Variants in MUC5B observed in about 807,000 individuals in gnomAD.
The protein encoded by MUC5B is mucin-5B.
In MUC5B, 116 loss-of-function variants were observed where a neutral mutation model predicts 376.9. The observed-to-expected ratio is 0.31, with a 90% confidence interval of 0.26 to 0.36. The LOEUF (loss-of-function observed/expected upper bound fraction) is 0.36. Ranked by LOEUF, MUC5B falls within the 10% of genes least tolerant of loss-of-function variation. The probability of loss-of-function intolerance (pLI) is 1.00; values close to 1 mark genes in which losing one functional copy is unlikely to be tolerated. For synonymous variants in MUC5B, 3,517 were observed against 3,390.9 expected (o/e 1.04, Z -1.29); for missense variants, 7,165 against 7,769.9 (o/e 0.92, Z 2.93).
At chr11:1,259,458 G>T (rs575281503) in intron 44 of MUC5B, 2 of 532,542 alleles carry the variant, frequency 3.8e-6, no homozygotes, top group Non-Finnish European at 6.8e-6. Context: ...CCAAAGGGAG[G>T]GTATGAAGTA....
At chr11:1,256,947 G>GC (rs1433198833) in intron 39 of MUC5B, among the ~76,000 whole-genome samples, 176 bp downstream of exon 39, 1 of 152,064 alleles carries the variant, frequency 6.6e-6, no homozygotes, top group South Asian at 2.1e-4. Context: ...ACCCTGCAGA[G>GC]CCCCCACGGT....
chr11:1,255,399 C>T lies in MUC5B; in HGVS notation c.15907C>T (p.His5303Tyr), dbSNP rs748264551. The change falls in exon 37 of 49, where the codon CAC (histidine) becomes TAC (tyrosine). Residue 5303 changes from histidine to tyrosine, a missense_variant. This residue lies in a region of MUC5B where 842 missense variants were observed against 1,016.9 expected (regional missense o/e 0.83). Coordinates refer to ENST00000529681, the MANE Select transcript of MUC5B (RefSeq NM_002458.3). Reference protein sequence around the residue: ...LMLSQVFAECHNLVPPGPFFN... With the variant: ...LMLSQVFAECYNLVPPGPFFN... Reference sequence around the variant, plus strand: ...GCCCCACAGGGTCTTTGCTGAGTGCCACAACCTTGTGCCCCCGGGCCCATT... The same window carrying T: ...GCCCCACAGGGTCTTTGCTGAGTGCTACAACCTTGTGCCCCCGGGCCCATT... 17 of 1,600,934 alleles carry T rather than the reference C, an allele frequency of 1.1e-5. No homozygotes were observed. In the Admixed American group the frequency reaches 1.7e-4, roughly 16 times the overall value.
At chr11:1,229,891 G>C in intron 10 of MUC5B, 84 bp downstream of exon 10, 2 of 1,543,560 alleles carry the variant, frequency 1.3e-6, no homozygotes, top group South Asian at 2.3e-5. Flanking sequence ...TGCCTGGGGT[G>C]GGGGTGTGGA....
At chr11:1,226,531 C>G (rs957611274) in intron 3 of MUC5B, 84 bp from the exon 4 acceptor site, 1 of 1,504,924 alleles carries the variant, frequency 6.6e-7, no homozygotes, top group African/African-American at 1.4e-5. Context: ...TTTTCCATTC[C>G]AAAAACCAGG....
intron 7 of MUC5B, 38 bp downstream of exon 7, chr11:1,227,819 G>C (rs571742054): frequency 1.5e-6 from 1 of 688,846 alleles, no homozygotes; most frequent in Non-Finnish European, 2.7e-6. Context: ...GGGCAGGGAC[G>C]GCCTCCAGGT....
At position 1,230,092 on chromosome 11, in the gene MUC5B, T is replaced by C; in HGVS notation, c.1308T>C (p.Tyr436=). The C allele has an allele frequency of 6.2e-7, 1 of 1,612,336 alleles. No individual in the cohort carries two copies. The change falls in exon 11 of 49, where the codon TAT becomes TAC. Residue 436 remains tyrosine (Y), a synonymous_variant. Coordinates refer to ENST00000529681, the MANE Select transcript of MUC5B (RefSeq NM_002458.3). The part of the protein sequence containing the change: ...SVQGGAHIST[Y]DEKLYDLHGD... ...AGGGCGGGGCCCACATCTCCACCTA[T>C]GATGAGAAACTCTACGACCTGCATG...
intron 14 of MUC5B, among the ~76,000 whole-genome samples, 153 bp from the exon 15 acceptor site, chr11:1,231,843 C>A (rs879579194): frequency 6.6e-6 from 1 of 152,212 alleles, no homozygotes; most frequent in Non-Finnish European, 1.5e-5. Context: ...GGGCGCCCCC[C>A]GCCAGGGCTT....
At chr11:1,259,092 G>A in intron 44 of MUC5B, 31 bp downstream of exon 44, 1 of 1,534,672 alleles carries the variant, frequency 6.5e-7, no homozygotes, top group Non-Finnish European at 8.8e-7. Context: ...CCCCAGGTGA[G>A]CCCCCGAGGC....
chr11:1,242,087 C>A lies in MUC5B; in HGVS notation c.5207C>A (p.Ala1736Asp). 6.2e-7 allele frequency: 1 copy of A among 1,611,670 alleles called. No homozygotes were observed. The highest frequency in any genetic ancestry group is 8.5e-7 in the Non-Finnish European group (1 of 1,179,092). The part of the protein sequence containing the change: ...RARPTGTAST[A>D]SKEPLTTSLA... Reference sequence around the variant, plus strand: ...CGCCCGACAGGCACAGCCAGCACCGCTTCCAAAGAGCCGCTGACCACGAGC... The same window carrying A: ...CGCCCGACAGGCACAGCCAGCACCGATTCCAAAGAGCCGCTGACCACGAGC... The change falls in exon 31 of 49, where the codon GCT (alanine) becomes GAT (aspartate). Residue 1736 changes from alanine (A) to aspartate (D), a missense_variant. Physicochemically the swap from Ala to Asp is moderately radical, Grantham distance 126. Transcript: ENST00000529681.
chr11:1,236,800 C>T, intron 24 of MUC5B, 125 bp from the exon 25 acceptor site: 1 of 1,275,362 alleles, frequency 7.8e-7, no homozygotes, highest in Non-Finnish European at 1.0e-6. Flanking sequence ...CAGGCACTGC[C>T]TGGGGAACCG....
At position 1,241,718 on chromosome 11, in the gene MUC5B, C is replaced by T. The variant is rs760625059; in HGVS notation, c.4838C>T (p.Thr1613Ile). 7.4e-6 allele frequency: 12 copies of T among 1,612,454 alleles called. No individual in the cohort carries two copies. The Admixed American group carries it at 1.8e-4, about 25-fold the overall frequency. ...CRGRATTPPP[T>I]TELETATTTT... ...GGACGTGCCACAACCCCGCCACCGA[C>T]CACAGAGCTGGAGACGGCCACCACC... The change falls in exon 31 of 49, where the codon ACC (threonine) becomes ATC (isoleucine). Residue 1613 changes from threonine to isoleucine, a missense_variant. This residue lies in a region of MUC5B where 897 missense variants were observed against 779.6 expected (regional missense o/e 1.15). Transcript: ENST00000529681.
Position 1,251,649 on chromosome 11 carries a change from C to T in MUC5B, c.14769C>T (p.Ser4923=), listed in dbSNP as rs775047577. The T allele has an allele frequency of 1.9e-6, 3 of 1,613,152 alleles. No homozygotes were observed. The South Asian group carries it at 3.3e-5, about 18-fold the overall frequency. ...LPTFSVSTVS[S]SVLTTLRPTG... ...CCTTCAGCGTGTCCACTGTGTCCTC[C>T]TCAGTCCTCACCACCCTGAGACCCA... The change falls in exon 31 of 49, where the codon TCC becomes TCT. Residue 4923 remains serine, a synonymous_variant. Coordinates refer to ENST00000529681, the MANE Select transcript of MUC5B (RefSeq NM_002458.3).
rs189151337 is a variant in MUC5B, at chr11:1,249,698, C to T, written c.12818C>T (p.Pro4273Leu). 202 of 1,610,350 alleles carry T rather than the reference C, an allele frequency of 1.3e-4. 5 individuals are homozygous for T. The highest frequency in any genetic ancestry group is 8.7e-4 in the East Asian group (39 of 44,764). Residue 4273 changes from proline (P) to leucine (L), a missense_variant, in exon 31 of 49, where the codon CCG becomes CTG. Physicochemically the swap from Pro to Leu is moderately conservative, Grantham distance 98 (BLOSUM62 -3). Around this residue, in one of 31 missense-constraint regions of MUC5B, gnomAD observed 431 missense variants for 390.4 expected, o/e 1.10. Coordinates refer to ENST00000529681, the MANE Select transcript of MUC5B (RefSeq NM_002458.3). ...TGSTATPSSTPGTAPPPKVLT... is the reference protein window; with the variant it reads ...TGSTATPSSTLGTAPPPKVLT... ...TCCACGGCCACCCCGTCCTCCACCC[C>T]GGGAACAGCTCCCCCTCCCAAAGTG...
Position 1,234,700 on chromosome 11 carries a change from G to T in MUC5B, c.2630+20G>T. ...CACCTGGTGGGTCGTGAGTCTCTCG[G>T]AGGCAGCAGGTGGGGAGGGCGGGGG... On this transcript the variant is annotated intron_variant, in intron 21 of 48. Transcript: ENST00000529681. The surrounding 1 kb of genome is among the most constrained non-coding windows in gnomAD (Gnocchi z 6.3). 1.4e-6 allele frequency: 2 copies of T among 1,463,870 alleles called. No individual in the cohort carries two copies. Among genetic ancestry groups the T allele is most frequent in the Non-Finnish European group, 9.1e-7 (1 of 1,101,044 alleles). 90.7% of individuals were successfully genotyped at this position (1,463,870 alleles called of 1,614,324 possible). A position where few individuals can be genotyped will look rare whatever the true frequency, so the allele number is the denominator to read the frequency against.
chr11:1,231,386 G>A, intron 13 of MUC5B, 37 bp from the exon 14 acceptor site: 6 of 1,584,216 alleles, frequency 3.8e-6, no homozygotes, highest in Non-Finnish European at 5.2e-6. Flanking sequence ...ATCTGTCCCT[G>A]CACCCCTGAC....
In MUC5B at chr11:1,235,391, A is replaced by G; in HGVS notation, c.2858A>G (p.Lys953Arg). ...PCGTTGTTCS[K>R]AIKLFVESYE... ...GGGACCACCGGCACCACCTGCTCCA[A>G]GGCCATCAAGCTCTTCGTGGAGGTG... Residue 953 changes from lysine (K) to arginine (R), a missense_variant, in exon 23 of 49, where the codon AAG becomes AGG. This residue lies in a region of MUC5B where 530 missense variants were observed against 604.0 expected (regional missense o/e 0.88). Transcript: ENST00000529681. 1 of 1,612,096 alleles carries G rather than the reference A, an allele frequency of 6.2e-7. No individual in the cohort carries two copies. The highest frequency in any genetic ancestry group is 8.5e-7 in the Non-Finnish European group (1 of 1,179,694).
Position 1,251,638 on chromosome 11 carries a change from A to G in MUC5B, c.14758A>G (p.Thr4920Ala), listed in dbSNP as rs1862703741. Residue 4920 changes from threonine to alanine, a missense_variant, in exon 31 of 49, where the codon ACT becomes GCT. Physicochemically the swap from Thr to Ala is moderately conservative, Grantham distance 58. Coordinates refer to ENST00000529681, the MANE Select transcript of MUC5B (RefSeq NM_002458.3). ...PSSLPTFSVS[T>A]VSSSVLTTLR... is the part of the protein sequence containing the mutation. ...CAGCCTGCCAACCTTCAGCGTGTCC[A>G]CTGTGTCCTCCTCAGTCCTCACCAC... 1 of 1,612,944 alleles carries G rather than the reference A, an allele frequency of 6.2e-7. No homozygotes were observed. Among genetic ancestry groups the G allele is most frequent in the Non-Finnish European group, 8.5e-7 (1 of 1,179,792 alleles).
chr11:1,260,882 C>T (rs1357727858), intron 48 of MUC5B, among the ~76,000 whole-genome samples, 154 bp downstream of exon 48: 2 of 152,218 alleles, frequency 1.3e-5, no homozygotes, highest in African/African-American at 4.8e-5. Flanking sequence ...CCCCTCTCCA[C>T]GTCCATTGGC....
rs753573506 is a variant in MUC5B at position 1,233,277 on chromosome 11, C to G, written c.2321+9C>G. ...GACGAGGGCGCCGTGTGGTAAGGGT[C>G]TGGGGGGAAAGCAGGCCCCCCAGGT... On this transcript the variant is annotated intron_variant, in intron 18 of 48. Coordinates refer to ENST00000529681, the MANE Select transcript of MUC5B (RefSeq NM_002458.3). 3.3e-6 allele frequency: 5 copies of G among 1,537,976 alleles called. No individual in the cohort carries two copies. Among genetic ancestry groups the G allele is most frequent in the Non-Finnish European group, 8.7e-7 (1 of 1,142,896 alleles).
Sources: gnomAD v4.1 joint callset for allele counts (sites outside exome capture counted in the v4.1 genomes callset) on GRCh38, gnomAD v4.1.1 for gene constraint, gnomAD v4.1.1 regional missense constraint, Gnocchi (gnomAD v3.1) non-coding constraint, MANE v1.5 for transcripts, NCBI Gene and HGNC (gene_info 2026-07-23, HGNC 2026-07-21) for gene names.